The following RANGAP1 variants were observed in gnomAD, a reference collection of about 807,000 sequenced individuals.
The protein encoded by RANGAP1 is Ran GTPase activating protein 1, also known as ran GTPase-activating protein 1.
A neutral mutation model predicts 63.5 loss-of-function variants in RANGAP1; 38 were observed. The observed-to-expected ratio is 0.60, with a 90% CI of 0.46 to 0.78. The LOEUF is 0.78. Ranked by LOEUF, RANGAP1 falls within the 30% of genes least tolerant of loss-of-function variation. The pLI, the probability that RANGAP1 is intolerant of heterozygous loss-of-function variation, is 0.00. For missense variants in RANGAP1, 630 were observed against 740.3 expected, an observed-to-expected ratio of 0.85 and a Z score of 1.73; for synonymous variants, 329 against 310.5, an observed-to-expected ratio of 1.06 and a Z score of -0.63.
At chr22:41,267,165 C>G (rs2034530581) in intron 4 of RANGAP1, among the ~76,000 whole-genome samples, 1 of 152,180 alleles carries the variant, frequency 6.6e-6, no homozygotes, top group Non-Finnish European at 1.5e-5. Flanking sequence ...AGGCGTGAGC[C>G]ACCACGCCTG....
At chr22:41,285,318 C>T (rs2035698234) in intron 1 of RANGAP1, 1 of 198,664 alleles carries the variant, frequency 5.0e-6, no homozygotes, top group Admixed American at 6.5e-5. Flanking sequence ...GCCCATTCCT[C>T]AGTCCAAGAG....
At chr22:41,279,127 A>C (rs2035332730) in intron 2 of RANGAP1, among the ~76,000 whole-genome samples, 1 of 152,138 alleles carries the variant, frequency 6.6e-6, no homozygotes, top group Non-Finnish European at 1.5e-5. Context: ...TGGGTAACAG[A>C]GCGAGACTCC....
Position 41,249,419 on chromosome 22 carries a change from C to A in RANGAP1, c.1605G>T (p.Leu535=). ...GGTTCAGCGCCATCAGGGGGCCGTA[C>A]AGGTTGGCAATGGCCTTGACCTTGT... ...SEDKVKAIAN[L]YGPLMALNHM... is the part of the protein sequence containing the mutation. The change falls in exon 15 of 16, where the codon CTG becomes CTT. Residue 535 remains leucine (L), a synonymous_variant. Transcript: ENST00000356244. 6.2e-7 allele frequency: 1 copy of A among 1,614,180 alleles called. No homozygotes were observed. Among genetic ancestry groups the A allele is most frequent in the Non-Finnish European group, 8.5e-7 (1 of 1,180,020 alleles).
intron 11 of RANGAP1, 141 bp from the exon 12 acceptor site, chr22:41,253,132 C>T: frequency 2.2e-6 from 2 of 909,472 alleles, no homozygotes; most frequent in South Asian, 7.6e-5. Context: ...TCCTCCCACT[C>T]AGCTGCATTT....
At chr22:41,271,397 A>C (rs1335747717) in intron 3 of RANGAP1, among the ~76,000 whole-genome samples, 2 of 141,706 alleles carry the variant, frequency 1.4e-5, no homozygotes, top group Non-Finnish European at 1.5e-5. Flanking sequence ...AAAAAAAAAC[A>C]AAAAAAAAAA....
the RANGAP1 span, among the ~76,000 whole-genome samples, chr22:41,293,897 A>T: frequency 6.6e-6 from 1 of 152,074 alleles, no homozygotes; most frequent in Non-Finnish European, 1.5e-5. Context: ...TCCTGGGATC[A>T]AGCAATGCTC....
At chr22:41,249,294 G>A (rs1470138086) in intron 15 of RANGAP1, 36 bp downstream of exon 15, 21 of 1,559,138 alleles carry the variant, frequency 1.3e-5, no homozygotes, top group Non-Finnish European at 1.8e-5. Context: ...AAGCCCGAGA[G>A]GGCAGGCACC....
Position 41,268,070 on chromosome 22 carries a change from G to A in RANGAP1, c.300+27C>T, listed in dbSNP as rs553016907. On this transcript the variant is annotated intron_variant, in intron 4 of 15. Coordinates refer to ENST00000356244, the MANE Select transcript of RANGAP1 (RefSeq NM_002883.4). ...ATTGCCAAAGAGGGCCTTGCGCGTG[G>A]AGGGGAAGAGCGGCTAGTTCGCTTA... 2.0e-6 allele frequency: 3 copies of A among 1,512,816 alleles called. No individual in the cohort carries two copies. In the South Asian group the frequency reaches 3.6e-5, roughly 18 times the overall value. 93.7% of individuals were successfully genotyped at this position (1,512,816 alleles called of 1,614,324 possible).
At chr22:41,271,081 A>T (rs919271374) in intron 3 of RANGAP1, among the ~76,000 whole-genome samples, 1 of 152,158 alleles carries the variant, frequency 6.6e-6, no homozygotes. Flanking sequence ...TCCCACGAGA[A>T]CAGCAAAGCA....
the RANGAP1 span, among the ~76,000 whole-genome samples, chr22:41,301,109 A>G: frequency 4.6e-5 from 7 of 152,082 alleles, no homozygotes. Flanking sequence ...CATCCTATAC[A>G]TAAAACTCCA....
At chr22:41,292,678 C>T in the RANGAP1 span, among the ~76,000 whole-genome samples, 6 of 151,908 alleles carry the variant, frequency 3.9e-5, no homozygotes, top group Non-Finnish European at 7.4e-5. Context: ...ACCCGGGAGG[C>T]GGAGGTTGCA....
upstream of RANGAP1, among the ~76,000 whole-genome samples, chr22:41,287,826 A>C (rs1228701246): frequency 6.6e-6 from 1 of 152,008 alleles, no homozygotes; most frequent in African/African-American, 2.4e-5. Flanking sequence ...GTCTCTACTA[A>C]AAATATAAAA....
intron 1 of RANGAP1, chr22:41,285,581 C>T: frequency 4.1e-6 from 4 of 985,456 alleles, no homozygotes; most frequent in Non-Finnish European, 4.8e-6. Context: ...CCGGGGCCCC[C>T]GCGGGCGTGG....
At chr22:41,275,101 A>C (rs977722128) in intron 2 of RANGAP1, among the ~76,000 whole-genome samples, 2 of 152,070 alleles carry the variant, frequency 1.3e-5, no homozygotes, top group Non-Finnish European at 2.9e-5. Context: ...GATGGCACAA[A>C]GGCTTTCATT....
At position 41,254,317 on chromosome 22, in the gene RANGAP1, A is replaced by C; in HGVS notation, c.1251T>G (p.Pro417=). 6.2e-7 allele frequency: 1 copy of C among 1,614,110 alleles called. No homozygotes were observed. The highest frequency in any genetic ancestry group is 8.5e-7 in the Non-Finnish European group (1 of 1,180,006). The change falls in exon 11 of 16, where the codon CCT becomes CCG. Residue 417 remains proline (P), a synonymous_variant. Transcript: ENST00000356244. ...SATPSRKILD[P]NTGEPAPVLS... ...GATGATAGAAACTCACCCCAGTGTTAGGGTCCAGAATCTTCCGTGAGGGCG... is the reference window on the plus strand; with the variant it reads ...GATGATAGAAACTCACCCCAGTGTTCGGGTCCAGAATCTTCCGTGAGGGCG...
chr22:41,260,665 G>A (rs1484583886), intron 6 of RANGAP1, among the ~76,000 whole-genome samples: 1 of 152,182 alleles, frequency 6.6e-6, no homozygotes, highest in Non-Finnish European at 1.5e-5. Context: ...TGGCCAACAT[G>A]GTAAAACCCC....
intron 15 of RANGAP1, among the ~76,000 whole-genome samples, chr22:41,247,453 G>A (rs1271371944): frequency 6.6e-6 from 1 of 152,080 alleles, no homozygotes; most frequent in Admixed American, 6.6e-5. Flanking sequence ...CCAGGCTCAG[G>A]TGGTCCTCCT....
intron 13 of RANGAP1, among the ~76,000 whole-genome samples, chr22:41,250,449 C>T (rs938474741): frequency 3.3e-5 from 5 of 152,128 alleles, no homozygotes; most frequent in African/African-American, 1.2e-4. Flanking sequence ...GCTCAGGTTT[C>T]GTTAGATGTG....
chr22:41,249,624 C>T (rs779885465), intron 14 of RANGAP1, 105 bp downstream of exon 14: 38 of 1,525,998 alleles, frequency 2.5e-5, no homozygotes, highest in Middle Eastern at 1.8e-4. Context: ...GTGGGCGAGC[C>T]GGCTCAGGAC....
Sources: allele counts gnomAD v4.1 joint callset (sites outside exome capture counted in the v4.1 genomes callset), GRCh38; gene constraint gnomAD v4.1.1; transcripts MANE v1.5; gene names NCBI Gene and HGNC (gene_info 2026-07-23, HGNC 2026-07-21).